SEM1: variants seen among roughly 807,000 people sequenced by gnomAD.
The protein encoded by SEM1 is SEM1 26S proteasome subunit, also known as 26S proteasome complex subunit SEM1.
A neutral mutation model predicts 12.7 loss-of-function variants in SEM1; 3 were observed. That is an observed-to-expected ratio of 0.24 (90% CI 0.11 to 0.61). SEM1 has a LOEUF of 0.61. Ranked by LOEUF, SEM1 falls within the 20% of genes least tolerant of loss-of-function variation. SEM1 has a pLI of 0.88. For synonymous variants in SEM1, 30 were observed against 27.8 expected (o/e 1.08, Z -0.25); for missense variants, 59 against 81.3 (o/e 0.73, Z 1.06).
At chr7:96,694,410 T>C (rs1052244482) in intron 2 of SEM1, among the ~76,000 whole-genome samples, 1 of 152,002 alleles carries the variant, frequency 6.6e-6, no homozygotes, top group African/African-American at 2.4e-5. Context: ...ACACAGTACA[T>C]TCTCACAACC....
intron 2 of SEM1, among the ~76,000 whole-genome samples, chr7:96,550,360 GAT>G (rs1805230804): frequency 6.6e-6 from 1 of 152,258 alleles, no homozygotes; most frequent in East Asian, 1.9e-4. Flanking sequence ...CTGAGCACTT[GAT>G]AATGGCAAAT....
At chr7:96,599,827 A>C (rs1479620593) in intron 2 of SEM1, among the ~76,000 whole-genome samples, 2 of 152,136 alleles carry the variant, frequency 1.3e-5, no homozygotes, top group African/African-American at 4.8e-5. Context: ...ATTTATTTTC[A>C]CCTGTTGGAG....
chr7:96,580,069 C>T (rs961736732), intron 2 of SEM1, among the ~76,000 whole-genome samples: 1 of 149,692 alleles, frequency 6.7e-6, no homozygotes, highest in Non-Finnish European at 1.5e-5. Context: ...GCTGCACCCA[C>T]TAACTCGTCA....
chr7:96,500,143 T>C (rs1803464229), upstream of SEM1, among the ~76,000 whole-genome samples: 1 of 152,082 alleles, frequency 6.6e-6, no homozygotes, highest in South Asian at 2.1e-4. Context: ...TTTCCATAGA[T>C]ACATTTTAGT....
chr7:96,618,714 C>G (rs1037226427), downstream of SEM1, among the ~76,000 whole-genome samples: 8 of 151,984 alleles, frequency 5.3e-5, no homozygotes, highest in Non-Finnish European at 1.0e-4. Context: ...TTCAATTAAT[C>G]TTTTATTTCT....
intron 2 of SEM1, among the ~76,000 whole-genome samples, chr7:96,606,485 T>A (rs1387711542): frequency 1.3e-5 from 2 of 152,212 alleles, no homozygotes; most frequent in African/African-American, 4.8e-5. Context: ...ACTGAGGCTA[T>A]GCCCACCTTT....
Position 96,631,902 on chromosome 7 carries a change from C to T in SEM1, c.171-9259G>A, listed in dbSNP as rs988017901. On this transcript the variant is annotated intron_variant, in intron 2 of 2. Coordinates refer to the SEM1 transcript ENST00000417009. ...ATCAAAAGTGGGTGAATGAAATGAA[C>T]AGACACTTCTCAAAAGAAGACATTT... is the stretch of plus-strand genomic sequence containing the variant. 2.6e-5 allele frequency among the ~76,000 whole-genome samples: 4 copies of T among 152,136 alleles called. No homozygotes were observed. The South Asian group carries it at 6.2e-4, about 24-fold the overall frequency.
chr7:96,649,046 T>C (rs1383979643), intron 2 of SEM1: 2 of 152,254 alleles, frequency 1.3e-5, no homozygotes, highest in African/African-American at 4.8e-5. Flanking sequence ...GGGGACTCTG[T>C]TGAAAGTCCC....
intron 1 of SEM1, among the ~76,000 whole-genome samples, chr7:96,701,315 AT>A (rs1171746431): frequency 6.6e-6 from 1 of 151,848 alleles, no homozygotes; most frequent in Non-Finnish European, 1.5e-5. Context: ...GGTAATCAGG[AT>A]TGAATGAGGT....
intron 2 of SEM1, among the ~76,000 whole-genome samples, chr7:96,569,518 A>G (rs1423972687): frequency 6.6e-6 from 1 of 152,052 alleles, no homozygotes; most frequent in Non-Finnish European, 1.5e-5. Flanking sequence ...TAATTTTTAA[A>G]TATTTTATAT....
chr7:96,651,155 G>A lies in SEM1; in HGVS notation c.171-28512C>T, dbSNP rs544468274. 7.9e-5 allele frequency among the ~76,000 whole-genome samples: 12 copies of A among 152,272 alleles called. No homozygotes were observed. The South Asian group carries it at 2.5e-3, about 32-fold the overall frequency. On this transcript the variant is annotated intron_variant, in intron 2 of 2. Coordinates refer to the SEM1 transcript ENST00000417009. Reference sequence around the variant, plus strand: ...TGCCATAAATTCCCTAAACTTTGTAGGAAATGTCACCTCTTGTGGCCAGTG... The same window carrying A: ...TGCCATAAATTCCCTAAACTTTGTAAGAAATGTCACCTCTTGTGGCCAGTG...
intron 2 of SEM1, among the ~76,000 whole-genome samples, chr7:96,579,789 T>A (rs191752466): frequency 2.0e-4 from 30 of 152,248 alleles, no homozygotes; most frequent in African/African-American, 6.0e-4. Flanking sequence ...TATACACCCT[T>A]TATACCAATA....
chr7:96,505,480 G>A (rs4132567), intron 3 of SEM1, among the ~76,000 whole-genome samples: 50,021 of 151,916 alleles, frequency 0.33, 9,882 homozygotes, highest in East Asian at 0.67. Flanking sequence ...TTGCAAAATA[G>A]TACTATTATA....
intron 2 of SEM1, among the ~76,000 whole-genome samples, chr7:96,538,007 T>A (rs1804840130): frequency 6.6e-6 from 1 of 151,822 alleles, no homozygotes; most frequent in African/African-American, 2.4e-5. Flanking sequence ...TTTCTTTTTG[T>A]ACTTCAGTTT....
chr7:96,672,543 T>G (rs1386330572), downstream of SEM1: 3 of 152,134 alleles, frequency 2.0e-5, no homozygotes, highest in Non-Finnish European at 4.4e-5. Context: ...GTTCTCCAAC[T>G]GCAATAGTCT....
intron 2 of SEM1, among the ~76,000 whole-genome samples, chr7:96,593,804 T>A (rs967348553): frequency 2.0e-5 from 3 of 152,026 alleles, no homozygotes; most frequent in African/African-American, 4.8e-5. Flanking sequence ...ATTTTTTTTT[T>A]AAAGAGAAGT....
chr7:96,658,629 AGAGT>A (rs1393212695), intron 2 of SEM1, among the ~76,000 whole-genome samples: 1 of 152,220 alleles, frequency 6.6e-6, no homozygotes, highest in Non-Finnish European at 1.5e-5. Flanking sequence ...AATAATGGGT[AGAGT>A]GTCTGTGCAC....
At chr7:96,497,052 C>T (rs965651812), upstream of SEM1, among the ~76,000 whole-genome samples, 10 of 151,980 alleles carry the variant, frequency 6.6e-5, no homozygotes, top group Non-Finnish European at 1.2e-4. Flanking sequence ...CACACACTTT[C>T]TGCAAATTCA....
At chr7:96,551,225 A>G (rs62471377) in intron 2 of SEM1, among the ~76,000 whole-genome samples, 14,659 of 152,268 alleles carry the variant, frequency 0.096, 704 homozygotes, top group South Asian at 0.14. Context: ...ACCAAAATTC[A>G]TTGAGCATAA....
Sources: allele counts gnomAD v4.1 joint callset (sites outside exome capture counted in the v4.1 genomes callset), GRCh38; gene constraint gnomAD v4.1.1; transcripts MANE v1.5; gene names NCBI Gene and HGNC (gene_info 2026-07-23, HGNC 2026-07-21).